Variants in SYCE3 observed in about 807,000 individuals in gnomAD.
SYCE3 encodes testis highly expressed gene 2 protein.
In SYCE3, 3 loss-of-function variants were observed where a neutral mutation model predicts 8.1. The observed-to-expected ratio is 0.37, with a 90% confidence interval of 0.17 to 0.96. SYCE3 has a LOEUF of 0.96. Ranked by LOEUF, SYCE3 falls within the 40% of genes least tolerant of loss-of-function variation. The probability of loss-of-function intolerance (pLI) is 0.41; values close to 1 mark genes in which losing one functional copy is unlikely to be tolerated. For missense variants in SYCE3, 83 were observed against 110.0 expected, an observed-to-expected ratio of 0.75 and a Z score of 1.10; for synonymous variants, 36 against 38.7, an observed-to-expected ratio of 0.93 and a Z score of 0.26.
chr22:50,556,045 G>A (rs1313140148), intron 2 of SYCE3, among the ~76,000 whole-genome samples: 2 of 151,920 alleles, frequency 1.3e-5, no homozygotes, highest in African/African-American at 4.8e-5. Context: ...CACCCGTCTC[G>A]GCCTCCCAAA....
rs974634601 is a variant in SYCE3 at position 50,555,574 on chromosome 22, C to T, written c.109+723G>A. 5.3e-5 allele frequency among the ~76,000 whole-genome samples: 8 copies of T among 152,202 alleles called. No individual in the cohort carries two copies. In the East Asian group the frequency reaches 1.5e-3, roughly 29 times the overall value. On this transcript the variant is annotated intron_variant, in intron 2 of 2. Transcript: ENST00000406915. ...AAGAAAGCTTTTTACAATCTATTCCCTCTGAAGCCTGCTACCCGGAGGCTT... is the reference window on the plus strand; with the variant it reads ...AAGAAAGCTTTTTACAATCTATTCCTTCTGAAGCCTGCTACCCGGAGGCTT...
At chr22:50,555,556 C>A (rs1459935556) in intron 2 of SYCE3, among the ~76,000 whole-genome samples, 1 of 152,158 alleles carries the variant, frequency 6.6e-6, no homozygotes, top group East Asian at 1.9e-4. Context: ...GATAAGAAAG[C>A]TTTTTACAAT....
intron 2 of SYCE3, among the ~76,000 whole-genome samples, chr22:50,551,787 C>T (rs73891280): frequency 0.038 from 5,842 of 152,304 alleles, 206 homozygotes; most frequent in African/African-American, 0.085. Context: ...CTCACACACT[C>T]AGGTAGAGTT....
chr22:50,554,995 G>C (rs1314676112), intron 2 of SYCE3, among the ~76,000 whole-genome samples: 1 of 151,428 alleles, frequency 6.6e-6, no homozygotes, highest in Admixed American at 6.6e-5. Context: ...GGTGGCGGGC[G>C]CCTGTAGTCC....
chr22:50,554,156 C>T (rs2069836366), intron 2 of SYCE3, among the ~76,000 whole-genome samples: 1 of 149,978 alleles, frequency 6.7e-6, no homozygotes, highest in Non-Finnish European at 1.5e-5. Flanking sequence ...GATTGTGCCA[C>T]TGCACTCCAG....
At chr22:50,556,261 A>C (rs1467696884) in intron 2 of SYCE3, 36 bp downstream of exon 2, 2 of 1,435,334 alleles carry the variant, frequency 1.4e-6, no homozygotes, top group Non-Finnish European at 1.9e-6. Flanking sequence ...ATTGATTGAG[A>C]CCTGTCTCAG....
intron 1 of SYCE3, among the ~76,000 whole-genome samples, chr22:50,561,825 C>G: frequency 6.6e-6 from 1 of 150,392 alleles, no homozygotes. Context: ...TGGAGTTGGG[C>G]TATGAAGAGT....
chr22:50,559,094 G>A (rs2069888694), intron 1 of SYCE3, among the ~76,000 whole-genome samples: 1 of 151,022 alleles, frequency 6.6e-6, no homozygotes, highest in Non-Finnish European at 1.5e-5. Context: ...GTCAAGGAAG[G>A]TCCTTTTAGC....
At chr22:50,557,126 C>G (rs1305713175) in intron 1 of SYCE3, among the ~76,000 whole-genome samples, 1 of 150,696 alleles carries the variant, frequency 6.6e-6, no homozygotes, top group Non-Finnish European at 1.5e-5. Context: ...ACTTACACAT[C>G]TTCTCGACAA....
At chr22:50,557,737 A>ATGT (rs131771) in intron 1 of SYCE3, among the ~76,000 whole-genome samples, 76,173 of 151,780 alleles carry the variant, frequency 0.5, 19,223 homozygotes, top group East Asian at 0.63. Flanking sequence ...TAGATAAATA[A>ATGT]TGTAAGAGCT....
intron 1 of SYCE3, among the ~76,000 whole-genome samples, chr22:50,558,431 C>CA (rs527456795): frequency 0.028 from 3,882 of 139,940 alleles, 138 homozygotes; most frequent in African/African-American, 0.08. Context: ...AACTTCATCT[C>CA]AAAAAAAAAA....
At chr22:50,553,912 G>A (rs570340066) in intron 2 of SYCE3, among the ~76,000 whole-genome samples, 63 of 152,140 alleles carry the variant, frequency 4.1e-4, no homozygotes, top group African/African-American at 1.3e-3. Flanking sequence ...TGCAATATGC[G>A]GCTGGGTGCG....
rs878999494 is a variant in SYCE3, at chr22:50,556,173, C to A, written c.109+124G>T. 2.1e-5 allele frequency: 14 copies of A among 653,526 alleles called. No individual in the cohort carries two copies. The East Asian group carries it at 3.8e-4, about 18-fold the overall frequency. 40.5% of individuals were successfully genotyped at this position (653,526 alleles called of 1,614,324 possible). A position where few individuals can be genotyped will look rare whatever the true frequency, so the allele number is the denominator to read the frequency against. ...ATAAAAGCAAGCTGTACCCTGCCAA[C>A]CTTGAACATATGTCCTGAGGACCTC... On this transcript the variant is annotated intron_variant, in intron 2 of 2. Transcript: ENST00000406915.
chr22:50,552,469 G>C (rs565991869), intron 2 of SYCE3, among the ~76,000 whole-genome samples: 14 of 152,194 alleles, frequency 9.2e-5, no homozygotes, highest in South Asian at 2.1e-4. Flanking sequence ...TGGCCAACAT[G>C]GCCAGTGTTC....
chr22:50,556,434 TCAGA>T, intron 1 of SYCE3, 29 bp from the exon 2 acceptor site: 1 of 1,472,088 alleles, frequency 6.8e-7, no homozygotes, highest in Non-Finnish European at 9.3e-7. Flanking sequence ...GAAGCTGCAG[TCAGA>T]CAGACCTACA....
intron 2 of SYCE3, among the ~76,000 whole-genome samples, chr22:50,555,700 C>A (rs8136827): frequency 0.057 from 8,741 of 152,128 alleles, 544 homozygotes; most frequent in African/African-American, 0.15. Context: ...CTCTTTCAAC[C>A]AATTGCCAAT....
intron 1 of SYCE3, among the ~76,000 whole-genome samples, chr22:50,557,209 C>A (rs1349236400): frequency 6.7e-6 from 1 of 148,924 alleles, no homozygotes; most frequent in African/African-American, 2.5e-5. Context: ...CAGGCTGGAG[C>A]ACAGTGGCAC....
At chr22:50,552,172 GTACA>G (rs1328947758) in intron 2 of SYCE3, among the ~76,000 whole-genome samples, 1 of 152,148 alleles carries the variant, frequency 6.6e-6, no homozygotes, top group Non-Finnish European at 1.5e-5. Flanking sequence ...ACAACCAACT[GTACA>G]TAGCAAACAC....
At chr22:50,561,111 A>G (rs1048704012) in intron 1 of SYCE3, among the ~76,000 whole-genome samples, 1 of 152,200 alleles carries the variant, frequency 6.6e-6, no homozygotes, top group African/African-American at 2.4e-5. Context: ...GTAAACATAC[A>G]TGCAGTGGAT....
Sources: gnomAD v4.1 joint callset for allele counts (sites outside exome capture counted in the v4.1 genomes callset) on GRCh38, gnomAD v4.1.1 for gene constraint, MANE v1.5 for transcripts, NCBI Gene and HGNC (gene_info 2026-07-23, HGNC 2026-07-21) for gene names.